The following MTAP variants were observed in gnomAD, a reference collection of about 807,000 sequenced individuals.
MTAP encodes S-methyl-5'-thioadenosine phosphorylase.
A neutral mutation model predicts 33.6 loss-of-function variants in MTAP; 33 were observed. The ratio of observed to expected loss-of-function variants is 0.98; its 90% CI spans 0.74 to 1.31. The LOEUF is 1.31. MTAP is among the 40% of genes most tolerant of loss of function. The pLI is 0.00. For synonymous variants in MTAP, 148 were observed against 125.7 expected, an observed-to-expected ratio of 1.18 and a Z score of -1.19; for missense variants, 367 against 360.0, an observed-to-expected ratio of 1.02 and a Z score of -0.16.
chr9:21,926,399 G>T (rs1219587396), intron 1 of MTAP, among the ~76,000 whole-genome samples: 1 of 152,180 alleles, frequency 6.6e-6, no homozygotes, highest in Non-Finnish European at 1.5e-5. Context: ...AATCATAAAT[G>T]AGGCAGTAGT....
At chr9:21,876,653 A>C (rs1217798377) in intron 1 of MTAP, among the ~76,000 whole-genome samples, 1 of 152,090 alleles carries the variant, frequency 6.6e-6, no homozygotes, top group Non-Finnish European at 1.5e-5. Flanking sequence ...TGTTTTTGTC[A>C]GCTTTGTCAA....
At chr9:21,858,913 T>C (rs1825693263) in intron 6 of MTAP, 1 of 162,130 alleles carries the variant, frequency 6.2e-6, no homozygotes. Flanking sequence ...GGGTGGCTTC[T>C]GAATAACAAG....
At chr9:21,846,758 A>T (rs1825394675) in intron 5 of MTAP, among the ~76,000 whole-genome samples, 1 of 152,230 alleles carries the variant, frequency 6.6e-6, no homozygotes, top group Non-Finnish European at 1.5e-5. Flanking sequence ...ATAAGTCATT[A>T]TATGAAAAAG....
At position 21,863,007 on chromosome 9, in the gene MTAP, G is replaced by T; in HGVS notation, c.*993G>T. 1.0e-6 allele frequency: 1 copy of T among 984,988 alleles called. No homozygotes were observed. Among genetic ancestry groups the T allele is most frequent in the Non-Finnish European group, 1.2e-6 (1 of 829,556 alleles). 61.0% of individuals were successfully genotyped at this position (984,988 alleles called of 1,614,324 possible). ...CAGAATTTAAGTTGGTAATATTAAG[G>T]TGAATGTCATTTAAGGGAGTTACAT... On this transcript the variant is annotated 3_prime_UTR_variant, in exon 8 of 8. Transcript: ENST00000644715.
chr9:21,902,281 C>G (rs1012651771), intron 1 of MTAP, among the ~76,000 whole-genome samples: 6 of 152,196 alleles, frequency 3.9e-5, no homozygotes, highest in Non-Finnish European at 7.3e-5. Flanking sequence ...CCTTCAAACC[C>G]TTGTTTCCTG....
rs572530705 is a variant in MTAP, at chr9:21,864,773, A to G, written c.*2759A>G. 8.1e-6 allele frequency: 8 copies of G among 985,266 alleles called. No homozygotes were observed. In the South Asian group the frequency reaches 1.9e-4, roughly 23 times the overall value. The allele number at this position is 985,266 out of a possible 1,614,324, so 61.0% of individuals were successfully genotyped here. On this transcript the variant is annotated 3_prime_UTR_variant, in exon 8 of 8. Coordinates refer to ENST00000644715, the MANE Select transcript of MTAP (RefSeq NM_002451.4). ...GAGGGAGTGACTAAGGTGACCTCCA[A>G]CCTGCCCTGAGCCAGCTGCCCTGCA...
chr9:21,913,855 G>A (rs1455637002), intron 1 of MTAP, among the ~76,000 whole-genome samples: 2 of 152,156 alleles, frequency 1.3e-5, no homozygotes, highest in African/African-American at 2.4e-5. Context: ...CCTACAGAAT[G>A]GGAGAAAATT....
chr9:21,899,893 G>C (rs1818361563), intron 1 of MTAP, among the ~76,000 whole-genome samples: 1 of 152,114 alleles, frequency 6.6e-6, no homozygotes, highest in Non-Finnish European at 1.5e-5. Context: ...ACAATCATCT[G>C]ATCTTTGACA....
chr9:21,824,881 G>GGCGTGGGACCCTCCGAGCTAT (rs1457155081), intron 4 of MTAP, among the ~76,000 whole-genome samples: 1 of 152,280 alleles, frequency 6.6e-6, no homozygotes, highest in East Asian at 1.9e-4. Context: ...AGGCTCTGTG[G>GGCGTGGGACCCTCCGAGCTAT]GCGTGGGACC....
intron 1 of MTAP, among the ~76,000 whole-genome samples, chr9:21,928,159 A>G (rs560529552): frequency 6.6e-6 from 1 of 152,362 alleles, no homozygotes; most frequent in Admixed American, 6.5e-5. Flanking sequence ...TGGATGGTAC[A>G]TGTTGGGAGA....
chr9:21,894,704 C>A (rs1207724879), intron 1 of MTAP, among the ~76,000 whole-genome samples: 2 of 151,688 alleles, frequency 1.3e-5, no homozygotes, highest in Admixed American at 6.6e-5. Context: ...ATGTAACAAA[C>A]CTGCACGTTG....
At chr9:21,885,036 G>A (rs1043064231) in intron 1 of MTAP, among the ~76,000 whole-genome samples, 1 of 152,212 alleles carries the variant, frequency 6.6e-6, no homozygotes, top group Admixed American at 6.5e-5. Context: ...CAGGGTACCG[G>A]AACTATCTCA....
At chr9:21,808,941 G>C (rs1158350896) in intron 1 of MTAP, 2 of 152,210 alleles carry the variant, frequency 1.3e-5, no homozygotes, top group African/African-American at 2.4e-5. Flanking sequence ...CAAGGAGACT[G>C]ACCTTAGAAG....
At chr9:21,845,784 C>CA (rs916209574) in intron 5 of MTAP, among the ~76,000 whole-genome samples, 15 of 151,350 alleles carry the variant, frequency 9.9e-5, no homozygotes, top group Non-Finnish European at 2.2e-4. Context: ...TATGTGAGAC[C>CA]AAAAAAAGAG....
At chr9:21,915,000 T>TTTCCTTCCTTCCTTCCTTCCTTCC (rs367599453) in intron 1 of MTAP, among the ~76,000 whole-genome samples, 182 of 83,690 alleles carry the variant, frequency 2.2e-3, no homozygotes, top group Middle Eastern at 5.4e-3. Context: ...CTTTGTTTTC[T>TTTCCTTCCTTCCTTCCTTCCTTCC]TTCCTTCCTT....
chr9:21,806,052 A>G (rs939793639), intron 1 of MTAP, among the ~76,000 whole-genome samples: 1 of 152,212 alleles, frequency 6.6e-6, no homozygotes, highest in African/African-American at 2.4e-5. Flanking sequence ...GACCGCGATC[A>G]AGAATTTTGA....
intron 1 of MTAP, among the ~76,000 whole-genome samples, chr9:21,879,145 G>A (rs192834111): frequency 6.6e-6 from 1 of 152,266 alleles, no homozygotes; most frequent in Non-Finnish European, 1.5e-5. Flanking sequence ...AATACTGTCA[G>A]TGGAGTGCTG....
intron 1 of MTAP, chr9:21,930,469 A>T (rs1045239758): frequency 9.0e-6 from 2 of 223,084 alleles, no homozygotes; most frequent in African/African-American, 4.7e-5. Context: ...TTCCAGCACC[A>T]ATCCATGGGA....
At chr9:21,908,617 G>A (rs952005139) in intron 1 of MTAP, among the ~76,000 whole-genome samples, 2 of 151,986 alleles carry the variant, frequency 1.3e-5, no homozygotes, top group African/African-American at 4.8e-5. Context: ...CTTTTAATTT[G>A]TGTAGTTAGA....
Sources: gnomAD v4.1 joint callset for allele counts (sites outside exome capture counted in the v4.1 genomes callset) on GRCh38, gnomAD v4.1.1 for gene constraint, MANE v1.5 for transcripts, NCBI Gene and HGNC (gene_info 2026-07-23, HGNC 2026-07-21) for gene names.